The following KCNIP4 variants were observed in gnomAD, a reference collection of about 807,000 sequenced individuals.
KCNIP4 encodes the protein potassium voltage-gated channel interacting protein 4, also known as Kv channel-interacting protein 4.
KCNIP4 carries 12 observed loss-of-function variants against 34.0 expected under a neutral mutation model. That is an observed-to-expected ratio of 0.35 (90% confidence interval 0.23 to 0.57). The LOEUF (loss-of-function observed/expected upper bound fraction) is 0.57. KCNIP4 is among the 20% of genes least tolerant of loss of function. The pLI is 0.83. For synonymous variants in KCNIP4, 124 were observed against 102.2 expected (o/e 1.21, Z -1.29); for missense variants, 238 against 311.7 (o/e 0.76, Z 1.78).
Position 20,885,502 on chromosome 4 carries a change from C to G in KCNIP4, c.62-2793G>C, listed in dbSNP as rs144294792. On this transcript the variant is annotated intron_variant, in intron 1 of 8. Transcript: ENST00000382152. ...TGCACCCCAACCAATCAGCAGCACC[C>G]TTTCCATTACCCATCAACTATCCTT... Among the ~76,000 whole-genome samples the G allele has an allele frequency of 1.5e-4, 23 of 152,220 alleles. No individual in the cohort carries two copies. In the East Asian group the frequency reaches 4.4e-3, roughly 29 times the overall value.
chr4:21,396,665 T>C (rs1460559220), intron 1 of KCNIP4, among the ~76,000 whole-genome samples: 1 of 151,464 alleles, frequency 6.6e-6, no homozygotes, highest in African/African-American at 2.4e-5. Flanking sequence ...CAATATCCTC[T>C]GGGTGGGCTC....
At chr4:20,975,063 TGA>T (rs1336486478) in intron 1 of KCNIP4, among the ~76,000 whole-genome samples, 1 of 152,192 alleles carries the variant, frequency 6.6e-6, no homozygotes, top group Non-Finnish European at 1.5e-5. Context: ...ATTTTACAAA[TGA>T]GAGAACTGAG....
intron 1 of KCNIP4, among the ~76,000 whole-genome samples, chr4:21,433,426 A>AC (rs763748434): frequency 3.9e-5 from 6 of 152,050 alleles, no homozygotes; most frequent in African/African-American, 9.7e-5. Context: ...AAATGGCAAG[A>AC]CCCCCATCTC....
chr4:21,440,026 C>G (rs969375559), intron 1 of KCNIP4, among the ~76,000 whole-genome samples: 1 of 152,224 alleles, frequency 6.6e-6, no homozygotes, highest in Non-Finnish European at 1.5e-5. Context: ...CTCAAACACT[C>G]TGGTTTAAAA....
At chr4:21,940,549 T>C (rs1218473163) in intron 1 of KCNIP4, among the ~76,000 whole-genome samples, 1 of 152,198 alleles carries the variant, frequency 6.6e-6, no homozygotes, top group East Asian at 1.9e-4. Context: ...TCTTTAGAAG[T>C]AGACTCTATG....
At chr4:21,636,290 T>C (rs1282380726) in intron 1 of KCNIP4, among the ~76,000 whole-genome samples, 28 of 126,730 alleles carry the variant, frequency 2.2e-4, no homozygotes, top group Non-Finnish European at 4.2e-4. Context: ...TAAAGTATAA[T>C]AAAAAAAAAG....
rs201086603 is a variant in KCNIP4 at position 21,116,362 on chromosome 4, CA to C, written c.62-233654del. ...CTGTTGGTTTCCTAATTCGTTCATTCATTCATTCTTCATTCATCCACTCATT... is the reference window on the plus strand; with the variant it reads ...CTGTTGGTTTCCTAATTCGTTCATTCTTCATTCTTCATTCATCCACTCATT... On this transcript the variant is annotated intron_variant, in intron 1 of 8. Transcript: ENST00000382152. Among the ~76,000 whole-genome samples, 1,359 of 152,286 alleles carry C rather than the reference CA, an allele frequency of 8.9e-3. 9 individuals carry two copies. The highest frequency in any genetic ancestry group is 0.02 in the Middle Eastern group (6 of 294).
At chr4:21,012,907 T>C (rs1361128150) in intron 1 of KCNIP4, among the ~76,000 whole-genome samples, 1 of 152,210 alleles carries the variant, frequency 6.6e-6, no homozygotes. Context: ...CTAGGTAACA[T>C]ATTTACCCTG....
intron 4 of KCNIP4, among the ~76,000 whole-genome samples, chr4:20,754,151 G>A (rs930582924): frequency 1.3e-5 from 2 of 152,166 alleles, no homozygotes; most frequent in Middle Eastern, 3.4e-3. Flanking sequence ...CTCTCTGCTT[G>A]CCTTACAGTA....
At chr4:21,058,097 A>G (rs2108964295) in intron 1 of KCNIP4, among the ~76,000 whole-genome samples, 1 of 152,302 alleles carries the variant, frequency 6.6e-6, no homozygotes, top group East Asian at 1.9e-4. Flanking sequence ...GCAGAATTCA[A>G]TGACTCAGGT....
At chr4:20,994,175 A>G (rs1737331695) in intron 1 of KCNIP4, among the ~76,000 whole-genome samples, 1 of 152,130 alleles carries the variant, frequency 6.6e-6, no homozygotes, top group Non-Finnish European at 1.5e-5. Flanking sequence ...CAAATTTACT[A>G]TTTCACAATT....
intron 1 of KCNIP4, among the ~76,000 whole-genome samples, chr4:21,247,865 T>TACACAC (rs546614225): frequency 0.069 from 8,470 of 122,222 alleles, 1,264 homozygotes; most frequent in African/African-American, 0.27. Flanking sequence ...TATATATATA[T>TACACAC]ACACACACAC....
intron 1 of KCNIP4, among the ~76,000 whole-genome samples, chr4:21,282,022 G>A (rs949310059): frequency 2.6e-5 from 4 of 152,162 alleles, no homozygotes; most frequent in Non-Finnish European, 5.9e-5. Flanking sequence ...TAGAGTGGTG[G>A]ATTCTAGGCA....
chr4:21,675,460 G>C (rs1749817588), intron 1 of KCNIP4, among the ~76,000 whole-genome samples: 1 of 152,134 alleles, frequency 6.6e-6, no homozygotes, highest in South Asian at 2.1e-4. Context: ...TGGATTGTTT[G>C]TAACTCAAAG....
At chr4:21,899,399 C>T (rs1727580833) in intron 1 of KCNIP4, among the ~76,000 whole-genome samples, 1 of 151,964 alleles carries the variant, frequency 6.6e-6, no homozygotes, top group Admixed American at 6.6e-5. Context: ...CCCATTTTCA[C>T]CACTGTTATA....
intron 1 of KCNIP4, among the ~76,000 whole-genome samples, chr4:21,856,052 T>C (rs2109343203): frequency 6.6e-6 from 1 of 152,352 alleles, no homozygotes; most frequent in African/African-American, 2.4e-5. Flanking sequence ...AGCTGACTAG[T>C]AGCTGCCTCA....
At chr4:20,898,650 T>C (rs1023917390) in intron 1 of KCNIP4, among the ~76,000 whole-genome samples, 2 of 152,202 alleles carry the variant, frequency 1.3e-5, no homozygotes, top group Non-Finnish European at 2.9e-5. Flanking sequence ...GCTTTATATC[T>C]AGCACCTAAG....
intron 1 of KCNIP4, among the ~76,000 whole-genome samples, chr4:21,089,913 C>T (rs1196330909): frequency 3.3e-5 from 5 of 152,216 alleles, no homozygotes; most frequent in African/African-American, 7.2e-5. Flanking sequence ...ACATCACACA[C>T]ATACTCTCCC....
chr4:21,842,781 C>T lies in KCNIP4; in HGVS notation c.61+105790G>A, dbSNP rs916000597. Among the ~76,000 whole-genome samples, 9 of 151,976 alleles carry T rather than the reference C, an allele frequency of 5.9e-5. No individual in the cohort carries two copies. The South Asian group carries it at 8.3e-4, about 14-fold the overall frequency. On this transcript the variant is annotated intron_variant, in intron 1 of 8. Transcript: ENST00000382152. ...TCATATTAAGGTAACATTATTACAA[C>T]GATTATTAATGTAGGGCTAAGAGTA... is the stretch of plus-strand genomic sequence containing the variant.
Sources: gnomAD v4.1 joint callset for allele counts (sites outside exome capture counted in the v4.1 genomes callset) on GRCh38, gnomAD v4.1.1 for gene constraint, MANE v1.5 for transcripts, NCBI Gene and HGNC (gene_info 2026-07-23, HGNC 2026-07-21) for gene names.